PPP4R3A: variants seen among roughly 807,000 people sequenced by gnomAD.
PPP4R3A encodes the protein serine/threonine-protein phosphatase 4 regulatory subunit 3A.
PPP4R3A carries 15 observed loss-of-function variants against 91.7 expected under a neutral mutation model. That is an observed-to-expected ratio of 0.16 (90% CI 0.11 to 0.25). The LOEUF (loss-of-function observed/expected upper bound fraction) is 0.25. PPP4R3A is among the 10% of genes least tolerant of loss of function. PPP4R3A has a pLI of 1.00. For synonymous variants in PPP4R3A, 377 were observed against 348.7 expected, an observed-to-expected ratio of 1.08 and a Z score of -0.91; for missense variants, 623 against 998.4, an observed-to-expected ratio of 0.62 and a Z score of 5.07.
intron 10 of PPP4R3A, among the ~76,000 whole-genome samples, chr14:91,468,718 C>G (rs184510172): frequency 8.6e-6 from 1 of 115,966 alleles, no homozygotes; most frequent in Non-Finnish European, 1.7e-5. Flanking sequence ...ACCAAGTATA[C>G]TTTGTCCACA....
chr14:91,475,919 T>C lies in PPP4R3A; in HGVS notation c.1158A>G (p.Ser386=). 3.1e-6 allele frequency: 5 copies of C among 1,610,476 alleles called. No homozygotes were observed. Among genetic ancestry groups the C allele is most frequent in the Non-Finnish European group, 3.4e-6 (4 of 1,177,926 alleles). Reference sequence around the variant, plus strand: ...TGGATGGATTATATTCAACCAAGTATGAGAATATATCAGTAGCAGCACTTC... The same window carrying C: ...TGGATGGATTATATTCAACCAAGTACGAGAATATATCAGTAGCAGCACTTC... ...QVRSAATDIF[S]YLVEYNPSMV... is the part of the protein sequence containing the mutation. The change falls in exon 7 of 15, where the codon TCA becomes TCG. Residue 386 remains serine (S), a synonymous_variant. Coordinates refer to ENST00000554943, the MANE Select transcript of PPP4R3A (RefSeq NM_001366432.2).
chr14:91,462,999 GAGATAA>G, intron 11 of PPP4R3A, 122 bp from the exon 12 acceptor site: 1 of 771,478 alleles, frequency 1.3e-6, no homozygotes, highest in Non-Finnish European at 2.0e-6. Flanking sequence ...CATAATCTTA[GAGATAA>G]CCAAACAATA....
At chr14:91,474,767 T>A (rs1889080118) in intron 7 of PPP4R3A, 1 of 152,000 alleles carries the variant, frequency 6.6e-6, no homozygotes. Flanking sequence ...GGACTATGGG[T>A]GCATGCCACC....
At chr14:91,469,620 G>A (rs1888712956) in intron 10 of PPP4R3A, among the ~76,000 whole-genome samples, 1 of 152,218 alleles carries the variant, frequency 6.6e-6, no homozygotes, top group African/African-American at 2.4e-5. Context: ...CCAGACTGGA[G>A]TGCAATGGTG....
chr14:91,493,245 C>A (rs1355826888), intron 1 of PPP4R3A, among the ~76,000 whole-genome samples: 1 of 143,672 alleles, frequency 7.0e-6, no homozygotes, highest in Non-Finnish European at 1.5e-5. Flanking sequence ...AAAAATTAGC[C>A]GGGCATGGTT....
At chr14:91,469,529 T>C (rs1888707825) in intron 10 of PPP4R3A, among the ~76,000 whole-genome samples, 1 of 152,216 alleles carries the variant, frequency 6.6e-6, no homozygotes, top group Admixed American at 6.5e-5. Flanking sequence ...TTTAATGAAT[T>C]TTAAAAGAAA....
rs954140359 is a variant in PPP4R3A at position 91,498,089 on chromosome 14, C to T, written c.143-7287G>A. ...GTGGCTCATGCCTGTAATCACAGCA[C>T]TTCAGGAGGCCAAGGTAGGCGAATC... On this transcript the variant is annotated intron_variant, in intron 1 of 14. Transcript: ENST00000554943. 1.8e-4 allele frequency among the ~76,000 whole-genome samples: 27 copies of T among 152,236 alleles called. 1 individual carries two copies. Among genetic ancestry groups the T allele is most frequent in the Admixed American group, 1.6e-3 (24 of 15,288 alleles).
intron 4 of PPP4R3A, among the ~76,000 whole-genome samples, chr14:91,479,862 T>C (rs1025759810): frequency 2.6e-5 from 4 of 152,220 alleles, no homozygotes; most frequent in Non-Finnish European, 5.9e-5. Flanking sequence ...CTTTAACTTC[T>C]GGGTTCAATC....
In PPP4R3A at chr14:91,470,943, A is replaced by G. The variant is rs1028433553; in HGVS notation, c.1554T>C (p.Phe518=). 1 of 1,609,710 alleles carries G rather than the reference A, an allele frequency of 6.2e-7. No individual in the cohort carries two copies. The highest frequency in any genetic ancestry group is 8.5e-7 in the Non-Finnish European group (1 of 1,179,246). Residue 518 remains phenylalanine, a synonymous_variant, in exon 10 of 15, where the codon TTT becomes TTC. Transcript: ENST00000554943. ...LLALVLELLT[F]CVEHHTYHIK... The stretch of plus-strand genomic sequence containing the variant: ...TGTGGTAGGTATGGTGCTCCACACA[A>G]AATGTTAACAATTCCAATACAAGTG...
intron 11 of PPP4R3A, 120 bp downstream of exon 11, chr14:91,465,130 C>CTT (rs34464175): frequency 8.9e-5 from 55 of 620,502 alleles, no homozygotes; most frequent in Non-Finnish European, 1.2e-4. Flanking sequence ...GCTTTTAGTA[C>CTT]TTTTTTTTTT....
In PPP4R3A at chr14:91,462,888, G is replaced by T. The variant is rs1303645050; in HGVS notation, c.1831-11C>A. The stretch of plus-strand genomic sequence containing the variant: ...TGATTTTATATCTTCCTACAGAAAA[G>T]AATAGTAATGAAAAAATGATAGGAA... On this transcript the variant is annotated splice_polypyrimidine_tract_variant and intron_variant, in intron 11 of 14. Transcript: ENST00000554943. 1.9e-6 allele frequency: 3 copies of T among 1,570,308 alleles called. No individual in the cohort carries two copies. The highest frequency in any genetic ancestry group is 1.7e-6 in the Non-Finnish European group (2 of 1,150,738).
In PPP4R3A at chr14:91,458,484, C is replaced by T; in HGVS notation, c.*275G>A. The T allele has an allele frequency of 2.1e-6, 1 of 484,550 alleles. No homozygotes were observed. The highest frequency in any genetic ancestry group is 3.8e-6 in the Non-Finnish European group (1 of 265,302). The allele number at this position is 484,550 out of a possible 1,614,324, so 30.0% of individuals were successfully genotyped here. A position where few individuals can be genotyped will look rare whatever the true frequency, so the allele number is the denominator to read the frequency against. ...GAGTTCCACTTACAAAACCCCTGCCCTGTTGGCTTTTTGTTTCCATTTCCT... is the reference window on the plus strand; with the variant it reads ...GAGTTCCACTTACAAAACCCCTGCCTTGTTGGCTTTTTGTTTCCATTTCCT... On this transcript the variant is annotated 3_prime_UTR_variant, in exon 15 of 15. Coordinates refer to ENST00000554943, the MANE Select transcript of PPP4R3A (RefSeq NM_001366432.2).
intron 10 of PPP4R3A, among the ~76,000 whole-genome samples, chr14:91,467,565 C>T (rs1888548882): frequency 7.1e-6 from 1 of 141,308 alleles, no homozygotes; most frequent in African/African-American, 2.7e-5. Context: ...TTATTTCACT[C>T]CTTTTTAAGA....
rs370741482 is a variant in PPP4R3A, at chr14:91,476,899, A to G, written c.993+10T>C. On this transcript the variant is annotated intron_variant, in intron 5 of 14. Transcript: ENST00000554943. ...TATTTTTATGCCTTTCATAGTATCT[A>G]ATTTCTTACCAATTCCTGTCTTTTT... 1.9e-6 allele frequency: 3 copies of G among 1,579,182 alleles called. No individual in the cohort carries two copies. The highest frequency in any genetic ancestry group is 1.3e-5 in the African/African-American group (1 of 74,196).
chr14:91,477,103 A>C, intron 4 of PPP4R3A, 117 bp from the exon 5 acceptor site: 1 of 623,048 alleles, frequency 1.6e-6, no homozygotes, highest in Non-Finnish European at 2.4e-6. Context: ...GGTATTGGCA[A>C]TGCTGTCTTT....
At chr14:91,473,708 T>C (rs1273642727) in intron 7 of PPP4R3A, among the ~76,000 whole-genome samples, 2 of 152,256 alleles carry the variant, frequency 1.3e-5, no homozygotes, top group African/African-American at 2.4e-5. Flanking sequence ...TTTATGACCA[T>C]AGCTTTAAGA....
chr14:91,470,689 C>T, intron 10 of PPP4R3A, 148 bp downstream of exon 10: 1 of 831,314 alleles, frequency 1.2e-6, no homozygotes, highest in South Asian at 1.8e-5. Flanking sequence ...ACCTGCTCAA[C>T]ATGGCAAACC....
At chr14:91,493,880 G>A (rs1358915281) in intron 1 of PPP4R3A, among the ~76,000 whole-genome samples, 2 of 148,814 alleles carry the variant, frequency 1.3e-5, no homozygotes, top group East Asian at 3.9e-4. Flanking sequence ...TCAAGTGATT[G>A]TCCTGCCTCA....
chr14:91,463,459 G>C (rs1888285075), intron 11 of PPP4R3A, among the ~76,000 whole-genome samples: 1 of 151,864 alleles, frequency 6.6e-6, no homozygotes, highest in Non-Finnish European at 1.5e-5. Context: ...TTAGAGATGG[G>C]GTCTCGTTCT....
Sources: gnomAD v4.1 joint callset for allele counts (sites outside exome capture counted in the v4.1 genomes callset) on GRCh38, gnomAD v4.1.1 for gene constraint, MANE v1.5 for transcripts, NCBI Gene and HGNC (gene_info 2026-07-23, HGNC 2026-07-21) for gene names.